The following ACSL5 variants were observed in gnomAD, a reference collection of about 807,000 sequenced individuals.
ACSL5 encodes acyl-CoA synthetase long chain family member 5.
ACSL5 carries 50 observed loss-of-function variants against 84.9 expected under a neutral mutation model. That is an observed-to-expected ratio of 0.59 (90% CI 0.47 to 0.75). The LOEUF (loss-of-function observed/expected upper bound fraction) is 0.75. ACSL5 is among the 30% of genes least tolerant of loss of function. ACSL5 has a pLI of 0.00. For missense variants in ACSL5, 775 were observed against 830.4 expected, an observed-to-expected ratio of 0.93 and a Z score of 0.82; for synonymous variants, 280 against 300.7, an observed-to-expected ratio of 0.93 and a Z score of 0.71.
intron 18 of ACSL5, 21 bp downstream of exon 18, chr10:112,425,502 T>C: frequency 1.3e-6 from 2 of 1,576,114 alleles, no homozygotes; most frequent in Non-Finnish European, 1.7e-6. Context: ...ATTTTAACAA[T>C]AGCCCATTTC....
intron 12 of ACSL5, among the ~76,000 whole-genome samples, chr10:112,415,241 C>A (rs1441819306): frequency 2.0e-5 from 3 of 152,070 alleles, no homozygotes; most frequent in Non-Finnish European, 4.4e-5. Context: ...GCTCTGTCGC[C>A]CAGGCTGGAG....
At chr10:112,422,168 A>C (rs377256396) in intron 16 of ACSL5, 133 bp downstream of exon 16, 1 of 1,151,728 alleles carries the variant, frequency 8.7e-7, no homozygotes. Flanking sequence ...TCTGAACTTC[A>C]CTTTCCTATC....
intron 1 of ACSL5, among the ~76,000 whole-genome samples, chr10:112,378,475 G>A (rs1849286357): frequency 2.0e-5 from 3 of 151,948 alleles, no homozygotes; most frequent in Non-Finnish European, 2.9e-5. Flanking sequence ...TCAAACTCCT[G>A]ACCTCAAGTT....
chr10:112,376,115 C>G, intron 1 of ACSL5: 2 of 717,558 alleles, frequency 2.8e-6, no homozygotes, highest in Non-Finnish European at 4.4e-6. Flanking sequence ...AGGTGAAAGG[C>G]TTTGACACGG....
intron 17 of ACSL5, chr10:112,424,716 C>G (rs1467676563): frequency 6.6e-6 from 1 of 152,242 alleles, no homozygotes. Context: ...GCCATTTGTC[C>G]CAATTCTACA....
At chr10:112,408,086 C>A (rs748128067) in intron 5 of ACSL5, among the ~76,000 whole-genome samples, 3 of 151,652 alleles carry the variant, frequency 2.0e-5, no homozygotes. Flanking sequence ...ATAGGTTGAG[C>A]CTAGGAGTTT....
At chr10:112,375,354 G>GCT (rs1166192028) in intron 1 of ACSL5, 1 of 151,298 alleles carries the variant, frequency 6.6e-6, no homozygotes, top group African/African-American at 2.4e-5. Context: ...GAGGCCAAGG[G>GCT]CTCAGCTCTT....
At chr10:112,410,278 A>G in intron 7 of ACSL5, 185 bp from the exon 8 acceptor site, 1 of 1,542,562 alleles carries the variant, frequency 6.5e-7, no homozygotes, top group Non-Finnish European at 8.7e-7. Context: ...TTCTAGAGAA[A>G]TCTTATGCTC....
At chr10:112,376,283 G>A (rs1400848845) in intron 1 of ACSL5, 1 of 1,613,980 alleles carries the variant, frequency 6.2e-7, no homozygotes, top group Admixed American at 1.7e-5. Context: ...CAGAACTGGG[G>A]ACACTCTGGG....
chr10:112,426,098 T>G (rs1589705140), intron 18 of ACSL5, among the ~76,000 whole-genome samples, 160 bp from the exon 19 acceptor site: 1 of 152,226 alleles, frequency 6.6e-6, no homozygotes, highest in South Asian at 2.1e-4. Flanking sequence ...TACAGTTCCA[T>G]GGTGTTGAAA....
chr10:112,426,922 C>A (rs993003838), intron 20 of ACSL5, 63 bp downstream of exon 20: 5 of 1,326,494 alleles, frequency 3.8e-6, no homozygotes, highest in Non-Finnish European at 5.4e-6. Context: ...AAGTTTCCAT[C>A]TAATGAGGTT....
chr10:112,401,173 G>A (rs568054925), intron 3 of ACSL5, among the ~76,000 whole-genome samples: 14 of 152,086 alleles, frequency 9.2e-5, no homozygotes, highest in African/African-American at 3.4e-4. Flanking sequence ...CCGAGATCGC[G>A]CCACTGCACT....
intron 1 of ACSL5, among the ~76,000 whole-genome samples, chr10:112,382,488 G>A (rs907803879): frequency 1.3e-5 from 2 of 152,204 alleles, no homozygotes; most frequent in Admixed American, 6.5e-5. Flanking sequence ...AGTGCTCACA[G>A]CACTGGGAGG....
chr10:112,382,330 A>T (rs893206806), intron 1 of ACSL5, among the ~76,000 whole-genome samples: 2 of 151,988 alleles, frequency 1.3e-5, no homozygotes, highest in African/African-American at 4.8e-5. Context: ...CCTTCAGCAG[A>T]CTCTCCTCGC....
chr10:112,395,112 C>T lies in ACSL5; in HGVS notation c.156+10C>T. On this transcript the variant is annotated intron_variant, in intron 2 of 20. Transcript: ENST00000354655. ...GTCTGTGGGAATTGAGGTAATTTACCAGTCATCCTTTTAGTTTGTCAACCT... is the reference window on the plus strand; with the variant it reads ...GTCTGTGGGAATTGAGGTAATTTACTAGTCATCCTTTTAGTTTGTCAACCT... 6.2e-7 allele frequency: 1 copy of T among 1,609,332 alleles called. No homozygotes were observed.
At chr10:112,376,422 C>G (rs1156809090) in intron 1 of ACSL5, 9 of 1,613,994 alleles carry the variant, frequency 5.6e-6, no homozygotes, top group Non-Finnish European at 7.6e-6. Flanking sequence ...TCACTAGAAG[C>G]ACTGAGAGAT....
intron 1 of ACSL5, among the ~76,000 whole-genome samples, chr10:112,389,361 G>A (rs923140985): frequency 1.3e-5 from 2 of 152,194 alleles, no homozygotes; most frequent in African/African-American, 4.8e-5. Flanking sequence ...CAAGGACAAG[G>A]ATGGTGGACA....
At chr10:112,417,697 T>C (rs1237080088) in intron 13 of ACSL5, 149 bp from the exon 14 acceptor site, 3 of 677,098 alleles carry the variant, frequency 4.4e-6, no homozygotes, top group Non-Finnish European at 7.9e-6. Context: ...ATCCAGACTG[T>C]ATTCTAAGTG....
At chr10:112,395,177 T>C in intron 2 of ACSL5, 75 bp downstream of exon 2, 1 of 1,425,758 alleles carries the variant, frequency 7.0e-7, no homozygotes, top group Non-Finnish European at 9.7e-7. Context: ...TAGGGATAGC[T>C]CATGAAGGGG....
Sources: gnomAD v4.1 joint callset for allele counts (sites outside exome capture counted in the v4.1 genomes callset) on GRCh38, gnomAD v4.1.1 for gene constraint, MANE v1.5 for transcripts, NCBI Gene and HGNC (gene_info 2026-07-23, HGNC 2026-07-21) for gene names.